The following SNTB2 variants were observed in gnomAD, a reference collection of about 807,000 sequenced individuals.
SNTB2 encodes syntrophin beta 2.
A neutral mutation model predicts 46.2 loss-of-function variants in SNTB2; 34 were observed. That is an observed-to-expected ratio of 0.74 (90% CI 0.56 to 0.98). The LOEUF (loss-of-function observed/expected upper bound fraction) is 0.98, where lower values mean the gene tolerates loss of function less well. SNTB2 is among the 50% of genes least tolerant of loss of function. SNTB2 has a pLI of 0.00. For synonymous variants in SNTB2, 290 were observed against 312.6 expected, an observed-to-expected ratio of 0.93 and a Z score of 0.76; for missense variants, 603 against 731.4, an observed-to-expected ratio of 0.82 and a Z score of 2.02.
rs138368164 is a variant in SNTB2 at position 69,288,920 on chromosome 16, A to G, written c.1345+4676A>G. On this transcript the variant is annotated intron_variant, in intron 5 of 6. Coordinates refer to ENST00000336278, the MANE Select transcript of SNTB2 (RefSeq NM_006750.4). ...GGATGGAATTGGAGGTCATTATGTTAAGTGCAATAAGGCAGGCATAGAAAG... is the reference window on the plus strand; with the variant it reads ...GGATGGAATTGGAGGTCATTATGTTGAGTGCAATAAGGCAGGCATAGAAAG... Among the ~76,000 whole-genome samples, 663 of 152,272 alleles carry G rather than the reference A, an allele frequency of 4.4e-3. 4 individuals are homozygous for G. Among genetic ancestry groups the G allele is most frequent in the African/African-American group, 0.015 (637 of 41,542 alleles).
At chr16:69,277,121 CTGAT>C (rs1408780971) in intron 4 of SNTB2, among the ~76,000 whole-genome samples, 1 of 152,152 alleles carries the variant, frequency 6.6e-6, no homozygotes, top group African/African-American at 2.4e-5. Flanking sequence ...GAAAGAATGA[CTGAT>C]TGACAAACAC....
chr16:69,212,616 C>A (rs980718361), intron 1 of SNTB2, among the ~76,000 whole-genome samples: 2 of 152,002 alleles, frequency 1.3e-5, no homozygotes, highest in Non-Finnish European at 2.9e-5. Context: ...GGATTACAGG[C>A]GTGAGCCACC....
chr16:69,300,251 C>CT (rs930013004), intron 6 of SNTB2, among the ~76,000 whole-genome samples: 82 of 148,486 alleles, frequency 5.5e-4, no homozygotes, highest in South Asian at 4.3e-3. Flanking sequence ...CGTCATTTTT[C>CT]TTTTTTTTTT....
chr16:69,258,926 T>A (rs1241151481), intron 2 of SNTB2, among the ~76,000 whole-genome samples: 6 of 152,076 alleles, frequency 3.9e-5, no homozygotes, highest in Admixed American at 3.9e-4. Flanking sequence ...AATTTTCTAT[T>A]TATTTCACAT....
At chr16:69,293,062 G>A (rs1343563203) in intron 5 of SNTB2, among the ~76,000 whole-genome samples, 1 of 152,178 alleles carries the variant, frequency 6.6e-6, no homozygotes, top group Non-Finnish European at 1.5e-5. Context: ...AAATGTATTA[G>A]TTGGGATGAT....
chr16:69,202,351 G>A (rs1964171065), intron 1 of SNTB2, among the ~76,000 whole-genome samples: 1 of 150,698 alleles, frequency 6.6e-6, no homozygotes. Context: ...AAATAGTATG[G>A]TAGTTACTAT....
intron 1 of SNTB2, among the ~76,000 whole-genome samples, chr16:69,230,660 C>T (rs1045212286): frequency 1.4e-5 from 2 of 146,804 alleles, no homozygotes; most frequent in Non-Finnish European, 3.0e-5. Context: ...TGCGCCTGGC[C>T]GGGTTCATTT....
At chr16:69,224,453 C>T (rs1289034378) in intron 1 of SNTB2, among the ~76,000 whole-genome samples, 3 of 152,218 alleles carry the variant, frequency 2.0e-5, no homozygotes, top group South Asian at 2.1e-4. Flanking sequence ...CCTCATGATC[C>T]GCTTGCCTTG....
intron 1 of SNTB2, among the ~76,000 whole-genome samples, chr16:69,234,370 A>G (rs887358614): frequency 6.6e-6 from 1 of 152,218 alleles, no homozygotes; most frequent in African/African-American, 2.4e-5. Flanking sequence ...ATAATTAGGG[A>G]ATGCCTAAAT....
At chr16:69,263,108 CTTTT>C (rs35884506) in intron 3 of SNTB2, among the ~76,000 whole-genome samples, 1 of 141,904 alleles carries the variant, frequency 7.0e-6, no homozygotes, top group African/African-American at 2.6e-5. Context: ...TTCCACTCTA[CTTTT>C]TTTTTTTTTT....
intron 1 of SNTB2, among the ~76,000 whole-genome samples, chr16:69,219,998 C>T (rs1964385548): frequency 6.6e-6 from 1 of 151,866 alleles, no homozygotes; most frequent in Non-Finnish European, 1.5e-5. Context: ...GATCTGCCTG[C>T]CTTGGCCTCC....
At chr16:69,294,814 T>C (rs535568601) in intron 5 of SNTB2, among the ~76,000 whole-genome samples, 1 of 151,860 alleles carries the variant, frequency 6.6e-6, no homozygotes, top group Admixed American at 6.6e-5. Flanking sequence ...AACTGTAGTT[T>C]TTGATTTTTT....
intron 1 of SNTB2, among the ~76,000 whole-genome samples, chr16:69,222,229 CTG>C (rs1212164214): frequency 3.3e-5 from 5 of 152,114 alleles, no homozygotes; most frequent in Non-Finnish European, 7.4e-5. Context: ...AAAATATCAA[CTG>C]TAAATTTTTT....
In SNTB2 at chr16:69,270,200, A is replaced by G; in HGVS notation, c.1063A>G (p.Lys355Glu). ...WRPVLMAVTE[K>E]DLLLYDCMPW... ...ACCTGTCCTCATGGCTGTGACTGAG[A>G]AGGATTTGCTGCTCTATGACTGTAT... The change falls in exon 4 of 7, where the codon AAG (lysine) becomes GAG (glutamate). Residue 355 changes from lysine (K) to glutamate (E), a missense_variant. Transcript: ENST00000336278. 6.2e-7 allele frequency: 1 copy of G among 1,614,042 alleles called. No homozygotes were observed. Among genetic ancestry groups the G allele is most frequent in the Non-Finnish European group, 8.5e-7 (1 of 1,180,016 alleles).
At chr16:69,278,934 T>TG (rs1567413245) in intron 4 of SNTB2, among the ~76,000 whole-genome samples, 1 of 118,556 alleles carries the variant, frequency 8.4e-6, no homozygotes, top group Non-Finnish European at 1.8e-5. Context: ...GTGTGTGTGT[T>TG]AATAAACTCA....
intron 3 of SNTB2, among the ~76,000 whole-genome samples, chr16:69,264,548 A>G (rs952139922): frequency 6.6e-6 from 1 of 152,206 alleles, no homozygotes; most frequent in Admixed American, 6.5e-5. Flanking sequence ...GATAAAAGCA[A>G]GCATCACTAT....
intron 1 of SNTB2, among the ~76,000 whole-genome samples, chr16:69,198,456 G>T (rs533247735): frequency 6.6e-6 from 1 of 152,172 alleles, no homozygotes; most frequent in African/African-American, 2.4e-5. Flanking sequence ...TTCATTGCAC[G>T]TTCTGCCTCT....
chr16:69,227,781 A>G (rs760930352), intron 1 of SNTB2, among the ~76,000 whole-genome samples: 4 of 151,932 alleles, frequency 2.6e-5, no homozygotes, highest in Admixed American at 6.6e-5. Flanking sequence ...GTTATATTCT[A>G]TAAAAATTGG....
chr16:69,266,805 C>A (rs1356905616), intron 3 of SNTB2, among the ~76,000 whole-genome samples: 1 of 152,116 alleles, frequency 6.6e-6, no homozygotes, highest in Non-Finnish European at 1.5e-5. Context: ...CAACTTCCAC[C>A]TTCTGGGCTG....
Sources: allele counts gnomAD v4.1 joint callset (sites outside exome capture counted in the v4.1 genomes callset), GRCh38; gene constraint gnomAD v4.1.1; transcripts MANE v1.5; gene names NCBI Gene and HGNC (gene_info 2026-07-23, HGNC 2026-07-21).